Variants in MYO9B observed in about 807,000 individuals in gnomAD.
The protein encoded by MYO9B is myosin IXB, also known as unconventional myosin-IXb.
A neutral mutation model predicts 229.5 loss-of-function variants in MYO9B; 71 were observed. The ratio of observed to expected loss-of-function variants is 0.31; its 90% CI spans 0.26 to 0.38. The LOEUF is 0.38. Ranked by LOEUF, MYO9B falls within the 10% of genes least tolerant of loss-of-function variation. The pLI, the probability that MYO9B is intolerant of heterozygous loss-of-function variation, is 1.00. For synonymous variants in MYO9B, 1,185 were observed against 1,235.8 expected, an observed-to-expected ratio of 0.96 and a Z score of 0.86; for missense variants, 2,255 against 2,920.5, an observed-to-expected ratio of 0.77 and a Z score of 5.25.
chr19:17,103,570 C>T, intron 2 of MYO9B: 1 of 152,546 alleles, frequency 6.6e-6, no homozygotes, highest in Non-Finnish European at 1.5e-5. Context: ...GTGATGAGGG[C>T]AGGGGATAGT....
At chr19:17,082,802 C>T (rs777748987) in intron 1 of MYO9B, among the ~76,000 whole-genome samples, 3 of 152,136 alleles carry the variant, frequency 2.0e-5, no homozygotes, top group African/African-American at 4.8e-5. Flanking sequence ...GGTGGTCCCT[C>T]GGGAGTCAGG....
chr19:17,182,850 G>T (rs946058467), intron 15 of MYO9B, among the ~76,000 whole-genome samples: 1 of 152,082 alleles, frequency 6.6e-6, no homozygotes, highest in African/African-American at 2.4e-5. Context: ...CCCTTGGTCT[G>T]CAAGATTCCA....
intron 1 of MYO9B, among the ~76,000 whole-genome samples, chr19:17,085,210 G>A (rs1013110101): frequency 6.6e-6 from 1 of 152,126 alleles, no homozygotes; most frequent in Admixed American, 6.6e-5. Flanking sequence ...ATCCAGTTCC[G>A]CTCTCAGGTG....
At position 17,101,555 on chromosome 19, in the gene MYO9B, C is replaced by T. The variant is rs1599323365; in HGVS notation, c.-58-105C>T. 2 of 1,178,878 alleles carry T rather than the reference C, an allele frequency of 1.7e-6. No individual in the cohort carries two copies. The highest frequency in any genetic ancestry group is 2.6e-5 in the East Asian group (1 of 38,488). The allele number at this position is 1,178,878 out of a possible 1,614,324, so 73.0% of individuals were successfully genotyped here. A position where few individuals can be genotyped will look rare whatever the true frequency, so the allele number is the denominator to read the frequency against. ...TGGGCGAGCCTAGTCGGGTGGGGAACTCCAGCATCGGGTCAGGTGCTATCT... is the reference window on the plus strand; with the variant it reads ...TGGGCGAGCCTAGTCGGGTGGGGAATTCCAGCATCGGGTCAGGTGCTATCT... On this transcript the variant is annotated intron_variant, in intron 1 of 39. Coordinates refer to ENST00000682292, the MANE Select transcript of MYO9B (RefSeq NM_004145.4). The surrounding 1 kb of genome is among the most constrained non-coding windows in gnomAD (Gnocchi z 4.7).
chr19:17,212,039 C>A lies in MYO9B; in HGVS notation c.6203C>A (p.Ala2068Asp). The A allele has an allele frequency of 1.2e-6, 2 of 1,609,204 alleles. No homozygotes were observed. The highest frequency in any genetic ancestry group is 1.7e-6 in the Non-Finnish European group (2 of 1,178,466). Residue 2068 changes from alanine (A) to aspartate (D), a missense_variant, in exon 40 of 40, where the codon GCC (alanine) becomes GAC (aspartate). Ala to Asp is a moderately radical substitution (Grantham distance 126). Coordinates refer to ENST00000682292, the MANE Select transcript of MYO9B (RefSeq NM_004145.4). The surrounding 1 kb of genome is among the most constrained non-coding windows in gnomAD (Gnocchi z 5.4). ...TPRRTPIMPT[A>D]NIKLPPGLPS... Reference sequence around the variant, plus strand: ...CGGCGGACCCCCATCATGCCCACGGCCAACATCAAGCTCCCACCAGGCCTG... The same window carrying A: ...CGGCGGACCCCCATCATGCCCACGGACAACATCAAGCTCCCACCAGGCCTG...
At chr19:17,201,856 T>G (rs986313245) in intron 26 of MYO9B, 70 bp from the exon 27 acceptor site, 1 of 1,168,038 alleles carries the variant, frequency 8.6e-7, no homozygotes, top group African/African-American at 1.5e-5. Context: ...AAGTGACCCC[T>G]TGGGCACCTC....
At chr19:17,206,874 T>C in intron 34 of MYO9B, 90 bp downstream of exon 34, 3 of 1,320,068 alleles carry the variant, frequency 2.3e-6, no homozygotes, top group Middle Eastern at 1.8e-4. Flanking sequence ...GAGCTGGCGT[T>C]CTGTGGTGGT....
At chr19:17,169,427 T>C (rs1484855682) in intron 11 of MYO9B, among the ~76,000 whole-genome samples, 1 of 150,112 alleles carries the variant, frequency 6.7e-6, no homozygotes, top group Non-Finnish European at 1.5e-5. Context: ...TTAACCAGCC[T>C]GGCCAACATG....
intron 15 of MYO9B, 112 bp downstream of exon 15, chr19:17,181,152 A>C: frequency 1.5e-6 from 1 of 675,076 alleles, no homozygotes; most frequent in Non-Finnish European, 2.5e-6. Flanking sequence ...CTAAAACCAC[A>C]GTGCTGTCTC....
At position 17,102,303 on chromosome 19, in the gene MYO9B, A is replaced by G. The variant is rs2057752633; in HGVS notation, c.586A>G (p.Asn196Asp). The G allele has an allele frequency of 6.2e-7, 1 of 1,613,926 alleles. No homozygotes were observed. Among genetic ancestry groups the G allele is most frequent in the African/African-American group, 1.3e-5 (1 of 74,934 alleles). Residue 196 changes from asparagine to aspartate, a missense_variant, in exon 2 of 40, where the codon AAC (asparagine) becomes GAC (aspartate). Coordinates refer to ENST00000682292, the MANE Select transcript of MYO9B (RefSeq NM_004145.4). ...INPFKFLPIY[N>D]PKYVKMYENQ... Reference sequence around the variant, plus strand: ...CCCCTTTAAGTTCCTGCCCATCTACAACCCCAAGTACGTGAAGATGTATGA... The same window carrying G: ...CCCCTTTAAGTTCCTGCCCATCTACGACCCCAAGTACGTGAAGATGTATGA...
At chr19:17,194,172 A>AAAAAT (rs59395007) in intron 21 of MYO9B, among the ~76,000 whole-genome samples, 31,893 of 148,360 alleles carry the variant, frequency 0.21, 4,185 homozygotes, top group African/African-American at 0.35. Context: ...ACTCTGTCTC[A>AAAAAT]AAAATAAAAT....
intron 2 of MYO9B, among the ~76,000 whole-genome samples, chr19:17,104,293 T>C (rs1490166700): frequency 6.6e-6 from 1 of 152,136 alleles, no homozygotes; most frequent in Non-Finnish European, 1.5e-5. Flanking sequence ...CTAGTTTCAC[T>C]GTAGAGGCAG....
At chr19:17,160,656 C>T (rs547317395) in intron 8 of MYO9B, among the ~76,000 whole-genome samples, 1 of 150,336 alleles carries the variant, frequency 6.7e-6, no homozygotes, top group South Asian at 2.1e-4. Context: ...TACAGGTGTG[C>T]GCCACTAGGC....
intron 1 of MYO9B, among the ~76,000 whole-genome samples, chr19:17,095,121 C>A (rs1311208704): frequency 6.6e-6 from 1 of 152,044 alleles, no homozygotes; most frequent in East Asian, 1.9e-4. Context: ...TGCCTGTAAT[C>A]CCCTGAGATT....
At chr19:17,178,445 AAAAT>A (rs2145391165) in intron 14 of MYO9B, 1 of 151,994 alleles carries the variant, frequency 6.6e-6, no homozygotes, top group African/African-American at 2.4e-5. Flanking sequence ...CCTACAAGAA[AAAAT>A]AAATAAAATG....
rs776855247 is a variant in MYO9B, at chr19:17,202,291, C to T, written c.4824C>T (p.Phe1608=). 60 of 1,562,844 alleles carry T rather than the reference C, an allele frequency of 3.8e-5. No homozygotes were observed. Among genetic ancestry groups the T allele is most frequent in the Non-Finnish European group, 4.8e-5 (56 of 1,154,958 alleles). Residue 1608 remains phenylalanine (F), a synonymous_variant, in exon 28 of 40, where the codon TTC becomes TTT. Coordinates refer to ENST00000682292, the MANE Select transcript of MYO9B (RefSeq NM_004145.4). ...EFTRGYTKND[F]EPVKQSKAQK... The stretch of plus-strand genomic sequence containing the variant: ...CCCGTGGCTACACCAAGAACGACTT[C>T]GAGCCAGTGAAGGTGGGCAGCCCAG...
chr19:17,142,113 G>C (rs990517900), intron 2 of MYO9B, among the ~76,000 whole-genome samples: 5 of 151,498 alleles, frequency 3.3e-5, no homozygotes, highest in African/African-American at 1.2e-4. Context: ...ACGAGGTCGA[G>C]GCTTGCAGTG....
chr19:17,203,262 A>G lies in MYO9B; in HGVS notation c.4990+4A>G. On this transcript the variant is annotated splice_donor_region_variant and intron_variant, in intron 30 of 39. Transcript: ENST00000682292. ...GACAAGGCCCTGCTCTGCAGCGGTG[A>G]GTGGCTCCCCCACCAGGCCCCAAAA... 1 of 1,545,498 alleles carries G rather than the reference A, an allele frequency of 6.5e-7. No homozygotes were observed. Among genetic ancestry groups the G allele is most frequent in the East Asian group, 2.4e-5 (1 of 40,846 alleles).
chr19:17,105,001 G>A (rs925437102), intron 2 of MYO9B, among the ~76,000 whole-genome samples: 14 of 152,058 alleles, frequency 9.2e-5, no homozygotes, highest in Admixed American at 3.9e-4. Flanking sequence ...TGCCGTTGGA[G>A]TGTCACAGAG....
Sources: gnomAD v4.1 joint callset for allele counts (sites outside exome capture counted in the v4.1 genomes callset) on GRCh38, gnomAD v4.1.1 for gene constraint, Gnocchi (gnomAD v3.1) non-coding constraint, MANE v1.5 for transcripts, NCBI Gene and HGNC (gene_info 2026-07-23, HGNC 2026-07-21) for gene names.